The following VIPR1 variants were observed in gnomAD, a reference collection of about 807,000 sequenced individuals.
VIPR1 encodes vasoactive intestinal polypeptide receptor 1.
In VIPR1, 59 loss-of-function variants were observed where a neutral mutation model predicts 58.8. That is an observed-to-expected ratio of 1.00 (90% confidence interval 0.81 to 1.25). The LOEUF is 1.25. Ranked by LOEUF, VIPR1 falls within the 50% of genes most tolerant of loss-of-function variation. The pLI, the probability that VIPR1 is intolerant of heterozygous loss-of-function variation, is 0.00. For synonymous variants in VIPR1, 251 were observed against 242.1 expected (o/e 1.04, Z -0.34); for missense variants, 626 against 602.7 (o/e 1.04, Z -0.40).
Position 42,536,293 on chromosome 3 carries a change from C to T in VIPR1, c.*12C>T. On this transcript the variant is annotated 3_prime_UTR_variant, in exon 13 of 13. Transcript: ENST00000325123. ...TCTCCCTGGTCTGACCACCAGGATC[C>T]CAGGGGCCCAAGGCGGCCCCTCCCG... is the stretch of plus-strand genomic sequence containing the variant. 1.3e-6 allele frequency: 2 copies of T among 1,525,572 alleles called. No individual in the cohort carries two copies. The highest frequency in any genetic ancestry group is 1.8e-6 in the Non-Finnish European group (2 of 1,141,850). The allele number at this position is 1,525,572 out of a possible 1,614,324, so 94.5% of individuals were successfully genotyped here.
chr3:42,529,426 T>C (rs956127764), intron 6 of VIPR1: 7 of 142,976 alleles, frequency 4.9e-5, no homozygotes, highest in Admixed American at 2.9e-4. Flanking sequence ...GATCATGCCA[T>C]TGCACTCCAG....
intron 7 of VIPR1, 71 bp downstream of exon 7, chr3:42,531,003 G>A: frequency 1.9e-6 from 3 of 1,581,062 alleles, no homozygotes; most frequent in Non-Finnish European, 2.6e-6. Flanking sequence ...CTAGGGGGAG[G>A]GTGCCAACCC....
intron 4 of VIPR1, among the ~76,000 whole-genome samples, chr3:42,527,133 T>C (rs1701274692): frequency 6.6e-6 from 1 of 151,988 alleles, no homozygotes; most frequent in African/African-American, 2.4e-5. Context: ...CCTCACCAAC[T>C]TGTCCCTCGT....
At chr3:42,518,582 T>C (rs925131487) in intron 2 of VIPR1, among the ~76,000 whole-genome samples, 3 of 152,018 alleles carry the variant, frequency 2.0e-5, no homozygotes, top group African/African-American at 4.8e-5. Context: ...CTACTAAAAA[T>C]ACAAAAATTA....
chr3:42,518,978 T>A (rs1700771383), intron 2 of VIPR1, among the ~76,000 whole-genome samples: 1 of 152,120 alleles, frequency 6.6e-6, no homozygotes, highest in Non-Finnish European at 1.5e-5. Context: ...ATTGGAAACA[T>A]CCCCAGGGGG....
Position 42,513,802 on chromosome 3 carries a change from G to C in VIPR1, c.132G>C (p.Glu44Asp), listed in dbSNP as rs1395855908. 6.4e-7 allele frequency: 1 copy of C among 1,551,680 alleles called. No individual in the cohort carries two copies. The highest frequency in any genetic ancestry group is 8.7e-7 in the Non-Finnish European group (1 of 1,146,962). The change falls in exon 2 of 13, where the codon GAG becomes GAC. Residue 44 changes from glutamate (E) to aspartate (D), a missense_variant. Transcript: ENST00000325123. Reference protein sequence around the residue: ...QEECDYVQMIEVQHKQCLEEA... With the variant: ...QEECDYVQMIDVQHKQCLEEA... ...AGTGTGACTATGTGCAGATGATCGA[G>C]GTGCAGCACAAGCAGTGCCTGGAGG...
upstream of VIPR1, among the ~76,000 whole-genome samples, chr3:42,500,936 C>T (rs1219077689): frequency 1.3e-5 from 2 of 152,154 alleles, no homozygotes; most frequent in Non-Finnish European, 1.5e-5. Context: ...AGTAGCTCCC[C>T]AAGTTCCCCT....
At chr3:42,519,568 A>G in intron 3 of VIPR1, 1 of 426,122 alleles carries the variant, frequency 2.3e-6, no homozygotes, top group Non-Finnish European at 4.2e-6. Flanking sequence ...AACAATTGAT[A>G]ACTGATTGAC....
At chr3:42,500,130 A>G (rs1345394663), upstream of VIPR1, 1 of 152,236 alleles carries the variant, frequency 6.6e-6, no homozygotes, top group Admixed American at 6.5e-5. Context: ...GGAAACAATT[A>G]TTTCTGATTC....
chr3:42,527,951 A>T, intron 5 of VIPR1, 40 bp from the exon 6 acceptor site: 3 of 1,603,150 alleles, frequency 1.9e-6, no homozygotes, highest in Non-Finnish European at 1.7e-6. Flanking sequence ...GTGGGGATCC[A>T]AGGCCCCTTT....
intron 3 of VIPR1, among the ~76,000 whole-genome samples, chr3:42,520,376 A>T (rs1042617837): frequency 6.6e-5 from 10 of 152,188 alleles, no homozygotes; most frequent in African/African-American, 2.4e-4. Context: ...AGTCCAATTT[A>T]GATTTTTAAC....
chr3:42,490,969 C>T (rs1476167707), intron 1 of VIPR1, among the ~76,000 whole-genome samples: 7 of 152,248 alleles, frequency 4.6e-5, no homozygotes, highest in Middle Eastern at 6.8e-3. Flanking sequence ...GCCTGGTAAG[C>T]GCTCGGAACT....
Position 42,536,423 on chromosome 3 carries a change from T to TC in VIPR1, c.*144dup. On this transcript the variant is annotated 3_prime_UTR_variant, in exon 13 of 13. Coordinates refer to ENST00000325123, the MANE Select transcript of VIPR1 (RefSeq NM_004624.4). ...CTGCCCCCGGCCCCCTGGTCTCTGG[T>TC]CCGGACACTCCTAGAGAACGCAGCC... The TC allele has an allele frequency of 1.1e-6, 1 of 879,476 alleles. No homozygotes were observed. Among genetic ancestry groups the TC allele is most frequent in the Non-Finnish European group, 1.7e-6 (1 of 605,278 alleles). The allele number at this position is 879,476 out of a possible 1,614,324, so 54.5% of individuals were successfully genotyped here. A position where few individuals can be genotyped will look rare whatever the true frequency, so the allele number is the denominator to read the frequency against.
intron 3 of VIPR1, among the ~76,000 whole-genome samples, chr3:42,520,430 A>G (rs1700854643): frequency 6.6e-6 from 1 of 152,134 alleles, no homozygotes; most frequent in African/African-American, 2.4e-5. Flanking sequence ...AGGAGTGTAA[A>G]CAGGAAAACC....
chr3:42,520,410 G>A (rs1039041610), intron 3 of VIPR1, among the ~76,000 whole-genome samples: 1 of 152,186 alleles, frequency 6.6e-6, no homozygotes, highest in African/African-American at 2.4e-5. Flanking sequence ...CTGTGAGAAG[G>A]AAGAATTCTA....
chr3:42,500,472 C>T (rs1052024034), upstream of VIPR1: 2 of 152,290 alleles, frequency 1.3e-5, no homozygotes, highest in South Asian at 2.1e-4. Flanking sequence ...GGGCATGACA[C>T]ATTAATGATA....
At chr3:42,517,322 G>A (rs1018841228) in intron 2 of VIPR1, among the ~76,000 whole-genome samples, 8 of 152,238 alleles carry the variant, frequency 5.3e-5, no homozygotes, top group Admixed American at 2.0e-4. Flanking sequence ...AGCTGGGCTG[G>A]GCTGGGCTTG....
In VIPR1 at chr3:42,502,722, G is replaced by T; in HGVS notation, c.-14G>T. Reference sequence around the variant, plus strand: ...GCCCGCGCGGGGCCGCCCGCCGCGGGCTCAGGGCAGACCATGCGCCCGCCA... The same window carrying T: ...GCCCGCGCGGGGCCGCCCGCCGCGGTCTCAGGGCAGACCATGCGCCCGCCA... On this transcript the variant is annotated 5_prime_UTR_variant, in exon 1 of 13. Transcript: ENST00000325123. The T allele has an allele frequency of 7.6e-7, 1 of 1,307,906 alleles. No individual in the cohort carries two copies. Among genetic ancestry groups the T allele is most frequent in the Non-Finnish European group, 9.7e-7 (1 of 1,032,946 alleles). The allele number at this position is 1,307,906 out of a possible 1,614,324, so 81.0% of individuals were successfully genotyped here.
At chr3:42,499,431 A>G (rs1035401090), upstream of VIPR1, among the ~76,000 whole-genome samples, 1 of 152,146 alleles carries the variant, frequency 6.6e-6, no homozygotes, top group African/African-American at 2.4e-5. Context: ...GTCACGGGGG[A>G]TGGCAAGTGA....
Sources: allele counts gnomAD v4.1 joint callset (sites outside exome capture counted in the v4.1 genomes callset), GRCh38; gene constraint gnomAD v4.1.1; transcripts MANE v1.5; gene names NCBI Gene and HGNC (gene_info 2026-07-23, HGNC 2026-07-21).